Variants in SNTB2 observed in about 807,000 individuals in gnomAD.
SNTB2 encodes beta-2-syntrophin.
In SNTB2, 34 loss-of-function variants were observed where a neutral mutation model predicts 46.2. The observed-to-expected ratio is 0.74, with a 90% CI of 0.56 to 0.98. The LOEUF is 0.98. Ranked by LOEUF, SNTB2 falls within the 50% of genes least tolerant of loss-of-function variation. SNTB2 has a pLI of 0.00. For synonymous variants in SNTB2, 290 were observed against 312.6 expected (o/e 0.93, Z 0.76); for missense variants, 603 against 731.4 (o/e 0.82, Z 2.02).
chr16:69,284,908 CA>C (rs535637433), intron 5 of SNTB2, among the ~76,000 whole-genome samples: 1 of 150,616 alleles, frequency 6.6e-6, no homozygotes, highest in Non-Finnish European at 1.5e-5. Flanking sequence ...GACCCTGTTT[CA>C]AAAAAAAAGA....
intron 1 of SNTB2, among the ~76,000 whole-genome samples, chr16:69,214,041 T>G (rs1374820057): frequency 6.6e-6 from 1 of 151,268 alleles, no homozygotes; most frequent in Non-Finnish European, 1.5e-5. Context: ...GCCAGGCTGG[T>G]CTTGAACTCC....
chr16:69,228,985 A>G (rs1964482482), intron 1 of SNTB2, among the ~76,000 whole-genome samples: 2 of 152,216 alleles, frequency 1.3e-5, no homozygotes, highest in African/African-American at 4.8e-5. Context: ...ATATCCAGAG[A>G]GCATCAATCG....
intron 1 of SNTB2, among the ~76,000 whole-genome samples, chr16:69,238,435 G>A (rs1282135181): frequency 6.6e-6 from 1 of 152,064 alleles, no homozygotes; most frequent in African/African-American, 2.4e-5. Flanking sequence ...TTCATAAGTT[G>A]TCCCTTTATT....
chr16:69,235,489 A>G (rs536451213), intron 1 of SNTB2, among the ~76,000 whole-genome samples: 3 of 152,128 alleles, frequency 2.0e-5, no homozygotes, highest in African/African-American at 7.2e-5. Flanking sequence ...TGTAGTTTCT[A>G]TATAGGTGGA....
At chr16:69,289,344 C>G (rs968504184) in intron 5 of SNTB2, among the ~76,000 whole-genome samples, 1 of 149,512 alleles carries the variant, frequency 6.7e-6, no homozygotes, top group African/African-American at 2.5e-5. Flanking sequence ...TTGGGATGGG[C>G]GTGTTGTGAG....
At chr16:69,205,581 C>A (rs980501611) in intron 1 of SNTB2, among the ~76,000 whole-genome samples, 1 of 152,124 alleles carries the variant, frequency 6.6e-6, no homozygotes, top group African/African-American at 2.4e-5. Flanking sequence ...TTCTTTCCTT[C>A]CCTCTCTTGT....
Position 69,285,692 on chromosome 16 carries a change from TG to T in SNTB2, c.1345+1449del, listed in dbSNP as rs200684342. ...TTTTAAGTAGAGATGGGCCTCGCTTTGTTGCCCAGGCTGGTCTCAAACTCTT... is the reference window on the plus strand; with the variant it reads ...TTTTAAGTAGAGATGGGCCTCGCTTTTTGCCCAGGCTGGTCTCAAACTCTT... On this transcript the variant is annotated intron_variant, in intron 5 of 6. Transcript: ENST00000336278. Among the ~76,000 whole-genome samples the T allele has an allele frequency of 3.9e-3, 594 of 152,114 alleles. 6 individuals are homozygous for T. Among genetic ancestry groups the T allele is most frequent in the African/African-American group, 0.014 (570 of 41,488 alleles).
intron 2 of SNTB2, 95 bp downstream of exon 2, chr16:69,245,910 A>ATGTTTTCCTCT: frequency 1.6e-6 from 2 of 1,260,394 alleles, no homozygotes; most frequent in Non-Finnish European, 2.3e-6. Flanking sequence ...AGTTATACAG[A>ATGTTTTCCTCT]GGAAAACATC....
At chr16:69,275,129 G>C (rs1363606538) in intron 4 of SNTB2, among the ~76,000 whole-genome samples, 1 of 150,686 alleles carries the variant, frequency 6.6e-6, no homozygotes, top group African/African-American at 2.4e-5. Context: ...AGAGTGTGCA[G>C]TGGCAGGATC....
intron 5 of SNTB2, among the ~76,000 whole-genome samples, chr16:69,289,575 C>T (rs1965140081): frequency 6.6e-6 from 1 of 152,102 alleles, no homozygotes; most frequent in Non-Finnish European, 1.5e-5. Flanking sequence ...ACACATTTTA[C>T]ACATGTAACA....
rs1964005498 is a variant in SNTB2, at chr16:69,187,604, C to T, written c.438C>T (p.Phe146=). ...TGCCGATCCTCATCTCCAAGATCTTCCCCGGGCTGGCTGCCGACCAGAGCC... is the reference window on the plus strand; with the variant it reads ...TGCCGATCCTCATCTCCAAGATCTTTCCCGGGCTGGCTGCCGACCAGAGCC... ...NRMPILISKI[F]PGLAADQSRA... is the part of the protein sequence containing the mutation. Residue 146 remains phenylalanine (F), a synonymous_variant, in exon 1 of 7, where the codon TTC becomes TTT. Coordinates refer to ENST00000336278, the MANE Select transcript of SNTB2 (RefSeq NM_006750.4). 1.3e-6 allele frequency: 2 copies of T among 1,556,972 alleles called. No individual in the cohort carries two copies. The highest frequency in any genetic ancestry group is 1.7e-6 in the Non-Finnish European group (2 of 1,156,478).
intron 1 of SNTB2, among the ~76,000 whole-genome samples, chr16:69,238,419 C>T (rs569336739): frequency 1.7e-4 from 26 of 152,272 alleles, no homozygotes; most frequent in African/African-American, 6.0e-4. Context: ...GCACTCTGCC[C>T]ACATCTTCAT....
intron 1 of SNTB2, among the ~76,000 whole-genome samples, chr16:69,226,153 C>G (rs1054208475): frequency 3.9e-5 from 6 of 152,092 alleles, no homozygotes; most frequent in African/African-American, 1.4e-4. Flanking sequence ...CTCACTGCAA[C>G]CTCTGCTTCC....
chr16:69,227,978 C>T (rs1033352716), intron 1 of SNTB2, among the ~76,000 whole-genome samples: 2 of 151,738 alleles, frequency 1.3e-5, no homozygotes, highest in Non-Finnish European at 2.9e-5. Flanking sequence ...CCCTCTCAGC[C>T]TCCTGAGTAG....
At chr16:69,244,870 T>C (rs1207199206) in intron 1 of SNTB2, among the ~76,000 whole-genome samples, 1 of 152,248 alleles carries the variant, frequency 6.6e-6, no homozygotes, top group Admixed American at 6.5e-5. Context: ...TCATTTGCCC[T>C]TGTGTCTTTA....
rs1488997422 is a variant in SNTB2 at position 69,260,192 on chromosome 16, A to G, written c.937A>G (p.Met313Val). ...ACAGGTGTTGGCTGAACTCAACGCC[A>G]TGCTTGGGGCAACCAGTACAGCAGG... ...LPQVLAELNA[M>V]LGATSTAGGS... is the part of the protein sequence containing the mutation. Residue 313 changes from methionine to valine, a missense_variant, in exon 3 of 7, where the codon ATG (methionine) becomes GTG (valine). Met to Val is a conservative substitution (Grantham distance 21, BLOSUM62 1). Transcript: ENST00000336278. 10 of 1,614,060 alleles carry G rather than the reference A, an allele frequency of 6.2e-6. No homozygotes were observed. Among genetic ancestry groups the G allele is most frequent in the Admixed American group, 1.7e-5 (1 of 60,002 alleles).
rs909917963 is a variant in SNTB2, at chr16:69,245,716, G to C, written c.695G>C (p.Gly232Ala). The C allele has an allele frequency of 6.2e-6, 10 of 1,614,080 alleles. No homozygotes were observed. The East Asian group carries it at 1.8e-4, about 29-fold the overall frequency. The change falls in exon 2 of 7, where the codon GGT becomes GCT. Residue 232 changes from glycine to alanine, a missense_variant. Around this residue, in one of 2 missense-constraint regions of SNTB2, gnomAD observed 537 missense variants for 692.4 expected, o/e 0.78. Coordinates refer to ENST00000336278, the MANE Select transcript of SNTB2 (RefSeq NM_006750.4). Reference protein sequence around the residue: ...SPSFSGSEDSGSPKHQNSTKD... With the variant: ...SPSFSGSEDSASPKHQNSTKD... ...AGCTTTAGTGGCAGTGAGGACTCTG[G>C]TTCGCCAAAACACCAGAACAGCACC...
At chr16:69,269,559 AAG>A (rs1366478191) in intron 3 of SNTB2, among the ~76,000 whole-genome samples, 1 of 152,230 alleles carries the variant, frequency 6.6e-6, no homozygotes, top group Non-Finnish European at 1.5e-5. Context: ...TGCACAAAAT[AAG>A]AGAGTTGTGT....
In SNTB2 at chr16:69,285,879, G is replaced by A. The variant is rs188953873; in HGVS notation, c.1345+1635G>A. ...ATGATCTCAGCTCACTGCAACCTCC[G>A]CCTCCCAGGTACAAGCTATTCTCCC... On this transcript the variant is annotated intron_variant, in intron 5 of 6. Coordinates refer to ENST00000336278, the MANE Select transcript of SNTB2 (RefSeq NM_006750.4). 3.9e-5 allele frequency among the ~76,000 whole-genome samples: 6 copies of A among 152,140 alleles called. No homozygotes were observed. The East Asian group carries it at 7.7e-4, about 20-fold the overall frequency.
Sources: allele counts gnomAD v4.1 joint callset (sites outside exome capture counted in the v4.1 genomes callset), GRCh38; gene constraint gnomAD v4.1.1; regional missense constraint gnomAD v4.1.1; transcripts MANE v1.5; gene names NCBI Gene and HGNC (gene_info 2026-07-23, HGNC 2026-07-21).